The following HAUS6 variants were observed in gnomAD, a reference collection of about 807,000 sequenced individuals.
HAUS6 encodes the protein HAUS augmin like complex subunit 6, also known as HAUS augmin-like complex subunit 6.
A neutral mutation model predicts 106.8 loss-of-function variants in HAUS6; 80 were observed. The ratio of observed to expected loss-of-function variants is 0.75; its 90% CI spans 0.63 to 0.90. HAUS6 has a LOEUF of 0.90. Among genes scored for constraint, HAUS6 ranks in the 40% least tolerant of loss-of-function variants. The pLI, the probability that HAUS6 is intolerant of heterozygous loss-of-function variation, is 0.00. For synonymous variants in HAUS6, 356 were observed against 379.1 expected (o/e 0.94, Z 0.71); for missense variants, 1,155 against 1,118.1 (o/e 1.03, Z -0.47).
chr9:19,096,939 A>T (rs1817877573), intron 1 of HAUS6, among the ~76,000 whole-genome samples, 170 bp from the exon 2 acceptor site: 1 of 152,218 alleles, frequency 6.6e-6, no homozygotes, highest in Non-Finnish European at 1.5e-5. Flanking sequence ...TAAGAAAAAC[A>T]TACAAGCTTT....
At chr9:19,070,587 T>C (rs566003273) in intron 11 of HAUS6, among the ~76,000 whole-genome samples, 1 of 152,340 alleles carries the variant, frequency 6.6e-6, no homozygotes, top group African/African-American at 2.4e-5. Context: ...CATGTTTACA[T>C]ACACAGATCA....
chr9:19,087,074 C>T lies in HAUS6; in HGVS notation c.650+17G>A, dbSNP rs759569890. The T allele has an allele frequency of 6.3e-6, 8 of 1,268,324 alleles. No individual in the cohort carries two copies. Among genetic ancestry groups the T allele is most frequent in the Non-Finnish European group, 8.1e-6 (7 of 864,964 alleles). 78.6% of individuals were successfully genotyped at this position (1,268,324 alleles called of 1,614,324 possible). On this transcript the variant is annotated intron_variant, in intron 6 of 16. Coordinates refer to ENST00000380502, the MANE Select transcript of HAUS6 (RefSeq NM_017645.5). ...AACTAGTATCTAAGGCAACTTCTAG[C>T]TCTAAAAGTCACTTACTTCTTTATT...
chr9:19,063,235 TG>T, intron 13 of HAUS6, 42 bp from the exon 14 acceptor site: 13 of 1,281,368 alleles, frequency 1.0e-5, no homozygotes, highest in Non-Finnish European at 1.4e-5. Flanking sequence ...TTAATAATCA[TG>T]GCTGATCCTG....
chr9:19,065,284 C>G (rs1239808802), intron 12 of HAUS6, among the ~76,000 whole-genome samples: 1 of 152,118 alleles, frequency 6.6e-6, no homozygotes, highest in African/African-American at 2.4e-5. Context: ...TTTGCCATGC[C>G]AAGATTGAGG....
At chr9:19,095,090 T>C (rs1817832535) in intron 2 of HAUS6, among the ~76,000 whole-genome samples, 1 of 151,364 alleles carries the variant, frequency 6.6e-6, no homozygotes, top group Admixed American at 6.6e-5. Context: ...CATAAACAGA[T>C]ATATATGAAG....
chr9:19,068,127 A>G (rs900710803), intron 12 of HAUS6, among the ~76,000 whole-genome samples: 5 of 152,116 alleles, frequency 3.3e-5, no homozygotes, highest in Non-Finnish European at 7.3e-5. Flanking sequence ...TGCTCCCTCA[A>G]GGAAGACAAA....
intron 9 of HAUS6, among the ~76,000 whole-genome samples, chr9:19,078,746 C>T (rs1837067545): frequency 6.6e-6 from 1 of 151,478 alleles, no homozygotes; most frequent in Non-Finnish European, 1.5e-5. Context: ...CGAGATCGTG[C>T]CATTGCACTC....
intron 7 of HAUS6, among the ~76,000 whole-genome samples, chr9:19,085,921 A>AT (rs753815315): frequency 6.6e-6 from 1 of 151,938 alleles, no homozygotes; most frequent in Non-Finnish European, 1.5e-5. Flanking sequence ...CTATAAGTTC[A>AT]TTTTTCCATT....
intron 13 of HAUS6, 93 bp downstream of exon 13, chr9:19,063,421 G>C (rs1299875400): frequency 2.9e-6 from 2 of 700,464 alleles, no homozygotes; most frequent in African/African-American, 1.8e-5. Flanking sequence ...TGTGAAATTA[G>C]AAATTAAATT....
chr9:19,078,992 T>C (rs1340697005), intron 9 of HAUS6, among the ~76,000 whole-genome samples: 2 of 150,150 alleles, frequency 1.3e-5, no homozygotes, highest in African/African-American at 2.4e-5. Flanking sequence ...CTGTCTCTAC[T>C]GAAAAATAAT....
chr9:19,077,673 T>C (rs1264302958), intron 10 of HAUS6, among the ~76,000 whole-genome samples: 1 of 152,126 alleles, frequency 6.6e-6, no homozygotes, highest in Non-Finnish European at 1.5e-5. Context: ...CATAGAAACT[T>C]TAGACTCAAA....
At chr9:19,083,568 C>T (rs1006014198) in intron 7 of HAUS6, among the ~76,000 whole-genome samples, 3 of 151,764 alleles carry the variant, frequency 2.0e-5, no homozygotes, top group Non-Finnish European at 4.4e-5. Flanking sequence ...TTTGGGAGGC[C>T]GAGGCAAGCA....
intron 5 of HAUS6, among the ~76,000 whole-genome samples, chr9:19,088,488 A>G (rs931975035): frequency 6.6e-6 from 1 of 152,176 alleles, no homozygotes; most frequent in Non-Finnish European, 1.5e-5. Flanking sequence ...AAGACAAAAA[A>G]GGATACGAAA....
At chr9:19,059,807 T>C (rs1243943989) in intron 15 of HAUS6, among the ~76,000 whole-genome samples, 8 of 152,184 alleles carry the variant, frequency 5.3e-5, no homozygotes, top group Non-Finnish European at 1.5e-5. Context: ...ATTTTTTTTT[T>C]TAAATGCTCA....
chr9:19,099,980 T>C (rs1391957078), intron 1 of HAUS6, among the ~76,000 whole-genome samples: 1 of 152,156 alleles, frequency 6.6e-6, no homozygotes, highest in Admixed American at 6.6e-5. Flanking sequence ...GATCACAAGG[T>C]CAGGAATTTA....
At chr9:19,093,134 G>A in intron 4 of HAUS6, 37 bp downstream of exon 4, 4 of 1,347,096 alleles carry the variant, frequency 3.0e-6, no homozygotes, top group Non-Finnish European at 3.1e-6. Context: ...AAAAATTTAA[G>A]AATCAAAACA....
Position 19,094,304 on chromosome 9 carries a change from A to C in HAUS6, c.303+13T>G, listed in dbSNP as rs776302062. The C allele has an allele frequency of 2.0e-6, 3 of 1,495,930 alleles. No individual in the cohort carries two copies. The highest frequency in any genetic ancestry group is 2.8e-5 in the African/African-American group (2 of 71,830). 92.7% of individuals were successfully genotyped at this position (1,495,930 alleles called of 1,614,324 possible). ...TCTTAAAGTCTGTATCTTCTAACAAAAAGAATACTTACAGAAATCCTTTTT... is the reference window on the plus strand; with the variant it reads ...TCTTAAAGTCTGTATCTTCTAACAACAAGAATACTTACAGAAATCCTTTTT... On this transcript the variant is annotated intron_variant, in intron 3 of 16. Transcript: ENST00000380502.
At chr9:19,061,160 G>A (rs1471782838) in intron 14 of HAUS6, among the ~76,000 whole-genome samples, 2 of 151,984 alleles carry the variant, frequency 1.3e-5, no homozygotes, top group Non-Finnish European at 2.9e-5. Flanking sequence ...GCAAAACTCC[G>A]TCTCAAAAAA....
Position 19,096,634 on chromosome 9 carries a change from T to A in HAUS6, c.224+40A>T. 3.4e-6 allele frequency: 3 copies of A among 893,574 alleles called. No homozygotes were observed. In the South Asian group the frequency reaches 4.5e-5, roughly 13 times the overall value. 55.4% of individuals were successfully genotyped at this position (893,574 alleles called of 1,614,324 possible). On this transcript the variant is annotated intron_variant, in intron 2 of 16. Transcript: ENST00000380502. Reference sequence around the variant, plus strand: ...ATCAAAACGCTGTCCATTTTCAAATTTGGAAAGAAATTTAAGAAAATGAAA... The same window carrying A: ...ATCAAAACGCTGTCCATTTTCAAATATGGAAAGAAATTTAAGAAAATGAAA...
Sources: gnomAD v4.1 joint callset for allele counts (sites outside exome capture counted in the v4.1 genomes callset) on GRCh38, gnomAD v4.1.1 for gene constraint, MANE v1.5 for transcripts, NCBI Gene and HGNC (gene_info 2026-07-23, HGNC 2026-07-21) for gene names.